The following CCND3 variants were observed in gnomAD, a reference collection of about 807,000 sequenced individuals.
The protein encoded by CCND3 is G1/S-specific cyclin-D3.
CCND3 carries 9 observed loss-of-function variants against 28.7 expected under a neutral mutation model. The ratio of observed to expected loss-of-function variants is 0.31; its 90% CI spans 0.19 to 0.55. The LOEUF is 0.55. Ranked by LOEUF, CCND3 falls within the 20% of genes least tolerant of loss-of-function variation. The pLI, the probability that CCND3 is intolerant of heterozygous loss-of-function variation, is 0.93. For synonymous variants in CCND3, 164 were observed against 163.9 expected (o/e 1.00, Z 0.00); for missense variants, 315 against 385.8 (o/e 0.82, Z 1.54).
intron 1 of CCND3, chr6:42,030,307 G>A (rs1764007741): frequency 6.6e-6 from 1 of 152,200 alleles, no homozygotes; most frequent in Non-Finnish European, 1.5e-5. Flanking sequence ...TTAAATCCCA[G>A]GGTAGTATGT....
At chr6:41,993,063 T>C (rs1277089124) in intron 1 of CCND3, among the ~76,000 whole-genome samples, 1 of 152,148 alleles carries the variant, frequency 6.6e-6, no homozygotes, top group Non-Finnish European at 1.5e-5. Context: ...CACTATATCA[T>C]GCCTGGCTTA....
intron 1 of CCND3, among the ~76,000 whole-genome samples, chr6:41,982,906 T>C (rs1293340556): frequency 7.5e-6 from 1 of 133,910 alleles, no homozygotes; most frequent in Non-Finnish European, 1.6e-5. Flanking sequence ...AAAAAAAGAA[T>C]CTAGATACAG....
chr6:41,980,036 A>ACACACACACACACACACACACAC (rs1554162936), intron 1 of CCND3, among the ~76,000 whole-genome samples: 6 of 151,248 alleles, frequency 4.0e-5, no homozygotes, highest in South Asian at 4.2e-4. Context: ...ACACACACAC[A>ACACACACACACACACACACACAC]ATCAAACCTT....
At chr6:42,005,540 CAAAAAAAA>C (rs58659355) in intron 1 of CCND3, among the ~76,000 whole-genome samples, 1 of 62,840 alleles carries the variant, frequency 1.6e-5, no homozygotes. Context: ...GACCCTGTCT[CAAAAAAAA>C]AAAAAAAAAA....
In CCND3 at chr6:42,008,640, C is replaced by A. The variant is rs574370496; in HGVS notation, c.-46+39861G>T. 3.6e-4 allele frequency among the ~76,000 whole-genome samples: 55 copies of A among 152,312 alleles called. 1 individual carries two copies. Among genetic ancestry groups the A allele is most frequent in the Middle Eastern group, 6.8e-3 (2 of 294 alleles). On this transcript the variant is annotated intron_variant, in intron 1 of 4. Coordinates refer to the CCND3 transcript ENST00000372988. ...ATAAAGAGTGAAATATTCTATCCTG[C>A]TGAAATCTCCCAACAGAGCTGACTG...
At chr6:41,957,998 A>ATTTT (rs751569360) in intron 1 of CCND3, among the ~76,000 whole-genome samples, 1 of 26,228 alleles carries the variant, frequency 3.8e-5, no homozygotes. Context: ...CTTTATCTTT[A>ATTTT]TCTTTTTTTT....
chr6:41,941,026 C>A lies in CCND3; in HGVS notation c.198+426G>T. 1 of 1,608,394 alleles carries A rather than the reference C, an allele frequency of 6.2e-7. No individual in the cohort carries two copies. The highest frequency in any genetic ancestry group is 1.3e-5 in the African/African-American group (1 of 74,958). ...TCCCTGTCGGCCGGAACAGGGCGCGCGCCACCCCCATCGCCTTCCCCGCCA... is the reference window on the plus strand; with the variant it reads ...TCCCTGTCGGCCGGAACAGGGCGCGAGCCACCCCCATCGCCTTCCCCGCCA... On this transcript the variant is annotated intron_variant, in intron 1 of 4. Transcript: ENST00000372991. The surrounding 1 kb of genome is among the most constrained non-coding windows in gnomAD (Gnocchi z 6.1).
chr6:41,960,523 G>A (rs1046624988), intron 1 of CCND3, among the ~76,000 whole-genome samples: 15 of 152,276 alleles, frequency 9.9e-5, no homozygotes, highest in Admixed American at 7.8e-4. Flanking sequence ...TGACAAACCT[G>A]GGTGTGAATC....
intron 1 of CCND3, among the ~76,000 whole-genome samples, chr6:41,968,180 A>C (rs568346803): frequency 2.6e-5 from 4 of 152,280 alleles, no homozygotes; most frequent in East Asian, 3.9e-4. Flanking sequence ...CAATTCAATG[A>C]ATCACTGTGC....
chr6:41,936,784 C>A lies in CCND3; in HGVS notation c.575-89G>T, dbSNP rs528740827. 60 of 1,407,478 alleles carry A rather than the reference C, an allele frequency of 4.3e-5. No individual in the cohort carries two copies. Among genetic ancestry groups the A allele is most frequent in the South Asian group, 1.3e-4 (10 of 77,264 alleles). The allele number at this position is 1,407,478 out of a possible 1,614,324, so 87.2% of individuals were successfully genotyped here. ...TTCCGACTCCTTGGAAAGTGCCAGG[C>A]AGCATGAGTAGAGCAGAGGACATGC... On this transcript the variant is annotated intron_variant, in intron 3 of 4. Transcript: ENST00000372991. The surrounding 1 kb of genome is among the most constrained non-coding windows in gnomAD (Gnocchi z 4.4).
intron 1 of CCND3, among the ~76,000 whole-genome samples, chr6:42,026,650 A>G (rs1229253274): frequency 1.3e-5 from 2 of 151,820 alleles, no homozygotes; most frequent in African/African-American, 2.4e-5. Context: ...CCCTTCTTGT[A>G]CCTTTGGTAC....
chr6:41,972,240 A>AAGAAAGAAAAGAAAAG (rs1554162053), intron 1 of CCND3, among the ~76,000 whole-genome samples: 1 of 99,738 alleles, frequency 1.0e-5, no homozygotes, highest in East Asian at 3.3e-4. Flanking sequence ...AAAAAAAAAA[A>AAGAAAGAAAAGAAAAG]AAAAGAAAAG....
intron 1 of CCND3, among the ~76,000 whole-genome samples, chr6:42,014,058 G>T (rs534026259): frequency 1.4e-5 from 2 of 141,002 alleles, no homozygotes; most frequent in African/African-American, 5.4e-5. Context: ...ACAACAGAGG[G>T]AGACTCCATC....
intron 1 of CCND3, among the ~76,000 whole-genome samples, chr6:42,044,769 TTTTC>T (rs1297833781): frequency 7.3e-6 from 1 of 137,806 alleles, no homozygotes; most frequent in Non-Finnish European, 1.6e-5. Flanking sequence ...CTTTTCTTTC[TTTTC>T]TTTCTTTCCT....
At chr6:42,016,709 C>T (rs773510814) in intron 1 of CCND3, among the ~76,000 whole-genome samples, 7 of 151,826 alleles carry the variant, frequency 4.6e-5, no homozygotes, top group Admixed American at 6.6e-5. Flanking sequence ...CTCAGCCTCC[C>T]GAGTAGCTGG....
chr6:41,983,559 G>T (rs1015216749), intron 1 of CCND3, among the ~76,000 whole-genome samples: 2 of 152,028 alleles, frequency 1.3e-5, no homozygotes, highest in Non-Finnish European at 2.9e-5. Flanking sequence ...ATGTGGCCAG[G>T]TGAGGTGGCT....
chr6:41,987,058 T>C (rs891158287), intron 1 of CCND3, among the ~76,000 whole-genome samples: 2 of 152,092 alleles, frequency 1.3e-5, no homozygotes, highest in African/African-American at 4.8e-5. Flanking sequence ...AAATTCCTAA[T>C]GTATGCCAGA....
intron 1 of CCND3, among the ~76,000 whole-genome samples, chr6:42,003,339 A>G (rs1021639237): frequency 1.3e-5 from 2 of 151,704 alleles, no homozygotes; most frequent in Non-Finnish European, 2.9e-5. Context: ...AAGCCTGACC[A>G]ACATGGAGAA....
rs146505570 is a variant in CCND3 at position 41,985,534 on chromosome 6, C to T, written c.-45-44949G>A. 9.8e-3 allele frequency among the ~76,000 whole-genome samples: 1,493 copies of T among 151,916 alleles called. 26 individuals carry two copies. Among genetic ancestry groups the T allele is most frequent in the African/African-American group, 0.034 (1,417 of 41,440 alleles). On this transcript the variant is annotated intron_variant, in intron 1 of 4. Coordinates refer to the CCND3 transcript ENST00000372988. ...TTCACCATGTTGGCCAGGCTGGTCT[C>T]GGACTCCTGACCTTAGGTAATCCAC... is the stretch of plus-strand genomic sequence containing the variant.
Sources: allele counts gnomAD v4.1 joint callset (sites outside exome capture counted in the v4.1 genomes callset), GRCh38; gene constraint gnomAD v4.1.1; non-coding constraint Gnocchi (gnomAD v3.1); transcripts MANE v1.5; gene names NCBI Gene and HGNC (gene_info 2026-07-23, HGNC 2026-07-21).